CPA6: variants seen among roughly 807,000 people sequenced by gnomAD.
CPA6 encodes the protein carboxypeptidase B.
Under a neutral mutation model 63.3 loss-of-function variants are expected in CPA6, and 58 were observed. The observed-to-expected ratio is 0.92, with a 90% CI of 0.74 to 1.14. The LOEUF is 1.14. Among genes scored for constraint, CPA6 ranks in the 50% most tolerant of loss-of-function variants. The probability of loss-of-function intolerance (pLI) is 0.00; values close to 1 mark genes in which losing one functional copy is unlikely to be tolerated. For missense variants in CPA6, 565 were observed against 526.6 expected, an observed-to-expected ratio of 1.07 and a Z score of -0.71; for synonymous variants, 185 against 179.0, an observed-to-expected ratio of 1.03 and a Z score of -0.27.
chr8:67,555,687 T>G (rs1813044728), intron 2 of CPA6, among the ~76,000 whole-genome samples: 1 of 152,102 alleles, frequency 6.6e-6, no homozygotes, highest in Non-Finnish European at 1.5e-5. Flanking sequence ...TTGTAGCTGG[T>G]GTCTGAAGTG....
chr8:67,611,607 A>G (rs1814809234), intron 2 of CPA6, among the ~76,000 whole-genome samples: 1 of 152,158 alleles, frequency 6.6e-6, no homozygotes, highest in African/African-American at 2.4e-5. Context: ...TAGACTCCAT[A>G]AATATTTCTC....
chr8:67,464,218 G>A (rs1467313993), intron 8 of CPA6, among the ~76,000 whole-genome samples: 1 of 152,156 alleles, frequency 6.6e-6, no homozygotes, highest in Non-Finnish European at 1.5e-5. Context: ...TGATTGGTGT[G>A]AGATCGTATC....
chr8:67,610,694 C>T (rs1198656650), intron 2 of CPA6, among the ~76,000 whole-genome samples: 1 of 152,186 alleles, frequency 6.6e-6, no homozygotes, highest in Non-Finnish European at 1.5e-5. Flanking sequence ...CATCCAGGCT[C>T]CCTTCCTCAG....
chr8:67,653,399 G>C (rs915367538), intron 1 of CPA6, among the ~76,000 whole-genome samples: 18 of 151,974 alleles, frequency 1.2e-4, no homozygotes, highest in Non-Finnish European at 2.6e-4. Context: ...CCATTTGTTT[G>C]TATCCTCTTT....
intron 2 of CPA6, among the ~76,000 whole-genome samples, chr8:67,585,443 A>G (rs2128979433): frequency 6.6e-6 from 1 of 152,118 alleles, no homozygotes; most frequent in South Asian, 2.1e-4. Context: ...CTTAAGACCA[A>G]CGGATGACTC....
At chr8:67,555,105 A>G (rs1359322455) in intron 2 of CPA6, among the ~76,000 whole-genome samples, 1 of 152,192 alleles carries the variant, frequency 6.6e-6, no homozygotes, top group Admixed American at 6.5e-5. Context: ...TCAACCCACA[A>G]TAAATATTTG....
chr8:67,470,372 C>T (rs564307692), intron 8 of CPA6, among the ~76,000 whole-genome samples: 54 of 152,222 alleles, frequency 3.5e-4, no homozygotes, highest in African/African-American at 1.2e-3. Context: ...TGCTTTCTTA[C>T]GCCCCGAGAG....
In CPA6 at chr8:67,478,810, G is replaced by A. The variant is rs1040968540; in HGVS notation, c.838+4958C>T. 3.9e-5 allele frequency among the ~76,000 whole-genome samples: 6 copies of A among 152,316 alleles called. No individual in the cohort carries two copies. In the South Asian group the frequency reaches 1.2e-3, roughly 32 times the overall value. On this transcript the variant is annotated intron_variant, in intron 8 of 10. Coordinates refer to ENST00000297770, the MANE Select transcript of CPA6 (RefSeq NM_020361.5). ...CCAGCACTTTGGGAGGCCGAGGCAG[G>A]TGGATCACTTGAGCTTAGGAGTTCG...
chr8:67,559,443 C>T (rs1324132783), intron 2 of CPA6, among the ~76,000 whole-genome samples: 1 of 152,118 alleles, frequency 6.6e-6, no homozygotes, highest in East Asian at 1.9e-4. Context: ...TGACACTAGC[C>T]TGCCACACAC....
At chr8:67,483,678 G>T in intron 8 of CPA6, 90 bp downstream of exon 8, 1 of 1,015,938 alleles carries the variant, frequency 9.8e-7, no homozygotes, top group Non-Finnish European at 1.6e-6. Flanking sequence ...AAAAACATGA[G>T]TCTCCCATGA....
chr8:67,464,259 T>C (rs1450890841), intron 8 of CPA6, among the ~76,000 whole-genome samples: 3 of 152,230 alleles, frequency 2.0e-5, no homozygotes, highest in Non-Finnish European at 4.4e-5. Flanking sequence ...ATTACTCTGA[T>C]GATTAGTGAT....
intron 2 of CPA6, among the ~76,000 whole-genome samples, chr8:67,565,174 T>C (rs569604881): frequency 3.6e-4 from 54 of 149,944 alleles, no homozygotes; most frequent in African/African-American, 1.2e-3. Flanking sequence ...TTCTTTCTTT[T>C]TTTTTTTTGT....
chr8:67,442,968 G>T (rs998045937), intron 8 of CPA6, among the ~76,000 whole-genome samples: 1 of 152,054 alleles, frequency 6.6e-6, no homozygotes, highest in Non-Finnish European at 1.5e-5. Context: ...TCTTAGAGCT[G>T]CATATTAGTC....
chr8:67,462,310 T>C (rs73262638), intron 8 of CPA6, among the ~76,000 whole-genome samples: 15,406 of 152,256 alleles, frequency 0.1, 1,998 homozygotes, highest in African/African-American at 0.3. Flanking sequence ...TGTGTGTATG[T>C]GATCCTGGAG....
intron 2 of CPA6, among the ~76,000 whole-genome samples, chr8:67,518,368 C>T (rs796689540): frequency 3.3e-5 from 5 of 152,158 alleles, no homozygotes; most frequent in African/African-American, 1.2e-4. Context: ...TATGCAAATA[C>T]TTGAATAATT....
chr8:67,711,720 C>CACACACACACACACAT lies in CPA6; in HGVS notation c.116+34293_116+34294insATGTGTGTGTGTGTGT, dbSNP rs764510531. Among the ~76,000 whole-genome samples, 1,378 of 151,124 alleles carry CACACACACACACACAT rather than the reference C, an allele frequency of 9.1e-3. 32 individuals carry two copies. The highest frequency in any genetic ancestry group is 0.032 in the African/African-American group (1,286 of 40,802). On this transcript the variant is annotated intron_variant, in intron 1 of 10. Coordinates refer to ENST00000297770, the MANE Select transcript of CPA6 (RefSeq NM_020361.5). ...ACACACACACACACACACACACACACACATCTGAAAGATGGAGGGGCACCT... is the reference window on the plus strand; with the variant it reads ...ACACACACACACACACACACACACACACACACACACACACATACATCTGAAAGATGGAGGGGCACCT...
At chr8:67,490,574 T>C (rs1232553761) in intron 6 of CPA6, among the ~76,000 whole-genome samples, 1 of 152,174 alleles carries the variant, frequency 6.6e-6, no homozygotes, top group African/African-American at 2.4e-5. Context: ...GTTTTTAGTA[T>C]TATCTTCTCC....
In CPA6 at chr8:67,428,029, T is replaced by C. The variant is rs111444327; in HGVS notation, c.1126+18A>G. ...TTCAAGAGAGAGGATTCTAACACAA[T>C]GTACGCAGGAAACTTACACAACGTT... On this transcript the variant is annotated intron_variant, in intron 10 of 10. Coordinates refer to ENST00000297770, the MANE Select transcript of CPA6 (RefSeq NM_020361.5). The C allele has an allele frequency of 2.7e-5, 42 of 1,538,234 alleles. No individual in the cohort carries two copies. The African/African-American group carries it at 3.3e-4, about 12-fold the overall frequency.
chr8:67,722,092 C>T (rs1369316775), intron 1 of CPA6, among the ~76,000 whole-genome samples: 3 of 152,230 alleles, frequency 2.0e-5, no homozygotes, highest in African/African-American at 7.2e-5. Flanking sequence ...TACAAGGTAG[C>T]ACTGGAGCCT....
Sources: gnomAD v4.1 joint callset for allele counts (sites outside exome capture counted in the v4.1 genomes callset) on GRCh38, gnomAD v4.1.1 for gene constraint, MANE v1.5 for transcripts, NCBI Gene and HGNC (gene_info 2026-07-23, HGNC 2026-07-21) for gene names.